Variants in CCDC102B observed in about 807,000 individuals in gnomAD.
CCDC102B encodes coiled-coil domain-containing protein 102B.
CCDC102B carries 75 observed loss-of-function variants against 57.4 expected under a neutral mutation model. The observed-to-expected ratio is 1.31, with a 90% CI of 1.08 to 1.58. The LOEUF (loss-of-function observed/expected upper bound fraction) is 1.58. CCDC102B is among the 40% of genes most tolerant of loss of function. The pLI is 0.00. For synonymous variants in CCDC102B, 206 were observed against 201.9 expected (o/e 1.02, Z -0.17); for missense variants, 636 against 582.6 (o/e 1.09, Z -0.94).
chr18:68,748,859 G>T (rs932583724), intron 2 of CCDC102B, among the ~76,000 whole-genome samples: 1 of 152,156 alleles, frequency 6.6e-6, no homozygotes, highest in Non-Finnish European at 1.5e-5. Flanking sequence ...GTGTGGCAGA[G>T]AAAAGCATAG....
upstream of CCDC102B, among the ~76,000 whole-genome samples, chr18:68,793,460 A>G (rs1599469542): frequency 6.6e-6 from 1 of 152,322 alleles, no homozygotes; most frequent in Non-Finnish European, 1.5e-5. Flanking sequence ...ATAAAAACCA[A>G]TGTTAGAAGA....
At chr18:68,930,906 G>T (rs1440960174) in intron 6 of CCDC102B, among the ~76,000 whole-genome samples, 2 of 151,814 alleles carry the variant, frequency 1.3e-5, no homozygotes, top group African/African-American at 2.4e-5. Context: ...GCAGTTACAC[G>T]AACACATACA....
intron 7 of CCDC102B, among the ~76,000 whole-genome samples, chr18:69,020,226 G>C (rs1238282633): frequency 1.3e-5 from 2 of 152,018 alleles, no homozygotes; most frequent in African/African-American, 2.4e-5. Context: ...AAACTGCATA[G>C]GATGAGATTT....
At chr18:68,891,512 C>T (rs969591985) in intron 5 of CCDC102B, among the ~76,000 whole-genome samples, 1 of 152,180 alleles carries the variant, frequency 6.6e-6, no homozygotes, top group African/African-American at 2.4e-5. Flanking sequence ...ATAGATGTTG[C>T]ATTCCTTTTT....
intron 6 of CCDC102B, among the ~76,000 whole-genome samples, chr18:68,966,801 A>G (rs2050176086): frequency 6.6e-6 from 1 of 152,058 alleles, no homozygotes; most frequent in Non-Finnish European, 1.5e-5. Context: ...TTCTGCAGAT[A>G]TACTGATGGG....
intron 4 of CCDC102B, chr18:68,867,025 G>A (rs1300265922): frequency 7.3e-6 from 2 of 275,194 alleles, no homozygotes; most frequent in Non-Finnish European, 1.4e-5. Context: ...TGGCAGCCAT[G>A]TGAAGAGCTG....
At chr18:68,884,812 G>A (rs1292448446) in intron 5 of CCDC102B, among the ~76,000 whole-genome samples, 1 of 150,508 alleles carries the variant, frequency 6.6e-6, no homozygotes, top group East Asian at 1.9e-4. Flanking sequence ...GAAATACATG[G>A]TAACAGAACT....
At chr18:68,973,804 C>T (rs1204660282) in intron 6 of CCDC102B, among the ~76,000 whole-genome samples, 1 of 151,984 alleles carries the variant, frequency 6.6e-6, no homozygotes, top group Non-Finnish European at 1.5e-5. Flanking sequence ...TTTTTCAGAA[C>T]AAGAGACTTC....
Position 69,049,042 on chromosome 18 carries a change from CTTT to C in CCDC102B, c.1435-4979_1435-4977del, listed in dbSNP as rs1044807046. 2.9e-3 allele frequency among the ~76,000 whole-genome samples: 426 copies of C among 145,370 alleles called. 2 individuals are homozygous for C. The highest frequency in any genetic ancestry group is 9.3e-3 in the African/African-American group (373 of 39,972). ...CATCAAAGGTTTTAAGATTTTCTTT[CTTT>C]TTTTTTTTATTATACTTTAAGTTCT... On this transcript the variant is annotated intron_variant, in intron 7 of 7. Transcript: ENST00000360242.
chr18:68,791,110 A>G (rs1348598721), intron 2 of CCDC102B, among the ~76,000 whole-genome samples: 1 of 152,254 alleles, frequency 6.6e-6, no homozygotes, highest in Non-Finnish European at 1.5e-5. Flanking sequence ...AAGAATATTT[A>G]TTAACATTAT....
chr18:68,841,163 T>C (rs1450079751), intron 3 of CCDC102B, among the ~76,000 whole-genome samples: 2 of 152,192 alleles, frequency 1.3e-5, no homozygotes, highest in East Asian at 3.8e-4. Context: ...ATCTAATCTT[T>C]TAAATTCTTC....
chr18:68,769,767 C>T (rs1222662939), intron 2 of CCDC102B, among the ~76,000 whole-genome samples: 2 of 151,858 alleles, frequency 1.3e-5, no homozygotes, highest in East Asian at 1.9e-4. Context: ...GATACACAGA[C>T]CGATGCTAAA....
At chr18:68,944,527 G>C (rs1021408982) in intron 6 of CCDC102B, among the ~76,000 whole-genome samples, 2 of 151,880 alleles carry the variant, frequency 1.3e-5, no homozygotes, top group Non-Finnish European at 2.9e-5. Context: ...GAAGGGGCAA[G>C]GCAGCTCCCT....
At position 68,837,190 on chromosome 18, in the gene CCDC102B, T is replaced by C. The variant is rs371825454; in HGVS notation, c.427T>C (p.Leu143=). Residue 143 remains leucine, a synonymous_variant, in exon 2 of 8, where the codon TTG becomes CTG. Coordinates refer to ENST00000360242, the MANE Select transcript of CCDC102B (RefSeq NM_024781.3). The part of the protein sequence containing the change: ...ELSTLKKKQS[L]PPQKEALEAK... ...GAGTACACTGAAAAAGAAACAGAGT[T>C]TGCCACCTCAGAAGGAGGCATTAGA... 6.2e-6 allele frequency: 10 copies of C among 1,613,968 alleles called. No homozygotes were observed. The African/African-American group carries it at 9.3e-5, about 15-fold the overall frequency.
intron 6 of CCDC102B, among the ~76,000 whole-genome samples, chr18:68,932,037 TG>T (rs1354886425): frequency 7.9e-5 from 12 of 152,054 alleles, no homozygotes; most frequent in Non-Finnish European, 1.5e-4. Flanking sequence ...GAATGTTTAC[TG>T]AACTGTTTGT....
chr18:68,837,274 A>G lies in CCDC102B; in HGVS notation c.511A>G (p.Thr171Ala), dbSNP rs2037424754. The G allele has an allele frequency of 1.2e-6, 2 of 1,614,182 alleles. No individual in the cohort carries two copies. The highest frequency in any genetic ancestry group is 1.1e-5 in the South Asian group (1 of 91,084). The change falls in exon 2 of 8, where the codon ACA becomes GCA. Residue 171 changes from threonine to alanine, a missense_variant. Physicochemically the swap from Thr to Ala is moderately conservative, Grantham distance 58. Coordinates refer to ENST00000360242, the MANE Select transcript of CCDC102B (RefSeq NM_024781.3). ...PGFVEESCEH[T>A]DQFQLSSQMH... ...CTTCGTAGAAGAATCCTGTGAACAT[A>G]CAGACCAATTTCAATTGAGTTCACA...
intron 2 of CCDC102B, among the ~76,000 whole-genome samples, chr18:68,763,790 G>T (rs2034334748): frequency 6.8e-6 from 1 of 147,522 alleles, no homozygotes; most frequent in African/African-American, 2.6e-5. Context: ...TACAGCAGTA[G>T]AACCTAGCAT....
chr18:68,740,001 A>G (rs1001803475), intron 2 of CCDC102B, among the ~76,000 whole-genome samples: 12 of 152,232 alleles, frequency 7.9e-5, no homozygotes, highest in African/African-American at 2.9e-4. Context: ...AAATAGTTAA[A>G]TAGATATTGA....
intron 6 of CCDC102B, among the ~76,000 whole-genome samples, chr18:68,992,074 C>CT (rs36116383): frequency 0.011 from 1,651 of 148,772 alleles, 42 homozygotes; most frequent in African/African-American, 0.039. Context: ...GTTATTGTAT[C>CT]TTTTTTTTTT....
Sources: allele counts gnomAD v4.1 joint callset (sites outside exome capture counted in the v4.1 genomes callset), GRCh38; gene constraint gnomAD v4.1.1; transcripts MANE v1.5; gene names NCBI Gene and HGNC (gene_info 2026-07-23, HGNC 2026-07-21).